MRTFA: variants seen among roughly 807,000 people sequenced by gnomAD.
MRTFA encodes myocardin-related transcription factor A.
A neutral mutation model predicts 83.5 loss-of-function variants in MRTFA; 20 were observed. The ratio of observed to expected loss-of-function variants is 0.24; its 90% CI spans 0.17 to 0.35. The LOEUF (loss-of-function observed/expected upper bound fraction) is 0.35. Among genes scored for constraint, MRTFA ranks in the 10% least tolerant of loss-of-function variants. The pLI is 1.00. For synonymous variants in MRTFA, 659 were observed against 541.2 expected, an observed-to-expected ratio of 1.22 and a Z score of -3.02; for missense variants, 1,200 against 1,224.7, an observed-to-expected ratio of 0.98 and a Z score of 0.30.
chr22:40,421,442 C>G (rs1209818429), intron 9 of MRTFA, among the ~76,000 whole-genome samples: 1 of 152,204 alleles, frequency 6.6e-6, no homozygotes, highest in African/African-American at 2.4e-5. Context: ...GACCAGGCAC[C>G]TTCCAAAGAC....
At chr22:40,504,983 C>G (rs1471101908) in intron 3 of MRTFA, among the ~76,000 whole-genome samples, 2 of 152,162 alleles carry the variant, frequency 1.3e-5, no homozygotes, top group African/African-American at 4.8e-5. Context: ...ATATCTATCC[C>G]CAACCGAATG....
At chr22:40,430,042 C>T (rs2053036306) in intron 6 of MRTFA, among the ~76,000 whole-genome samples, 1 of 152,136 alleles carries the variant, frequency 6.6e-6, no homozygotes, top group Non-Finnish European at 1.5e-5. Flanking sequence ...AGAATGGAAG[C>T]AGCAACAGAT....
intron 4 of MRTFA, among the ~76,000 whole-genome samples, chr22:40,453,392 C>T (rs1384102656): frequency 6.6e-6 from 1 of 152,194 alleles, no homozygotes; most frequent in Non-Finnish European, 1.5e-5. Context: ...TCCGAGGGCA[C>T]TGACCGGACT....
chr22:40,489,495 T>TGC (rs1385398990), intron 3 of MRTFA, among the ~76,000 whole-genome samples: 51 of 151,776 alleles, frequency 3.4e-4, no homozygotes, highest in South Asian at 2.7e-3. Context: ...TTTTTTTTTC[T>TGC]AGAGACAGGG....
At chr22:40,517,468 T>TA (rs1407391455) in intron 3 of MRTFA, among the ~76,000 whole-genome samples, 1 of 152,040 alleles carries the variant, frequency 6.6e-6, no homozygotes, top group Admixed American at 6.6e-5. Flanking sequence ...AGTATAGTGG[T>TA]AAAGAGCACA....
intron 3 of MRTFA, among the ~76,000 whole-genome samples, chr22:40,531,824 C>T (rs1468634193): frequency 6.6e-6 from 1 of 152,186 alleles, no homozygotes; most frequent in Non-Finnish European, 1.5e-5. Context: ...ATGGCTACAG[C>T]ACTTCAGAAC....
intron 3 of MRTFA, among the ~76,000 whole-genome samples, chr22:40,495,849 C>T (rs1002210483): frequency 2.7e-5 from 4 of 149,652 alleles, no homozygotes; most frequent in African/African-American, 9.9e-5. Context: ...GGGCGAATCA[C>T]GAAGTCAGGA....
intron 4 of MRTFA, among the ~76,000 whole-genome samples, chr22:40,459,862 T>TATATATATATATATATACAC (rs796103400): frequency 3.3e-5 from 4 of 121,480 alleles, no homozygotes; most frequent in African/African-American, 1.3e-4. Flanking sequence ...TATATATATA[T>TATATATATATATATATACAC]ACACACATGA....
chr22:40,624,175 G>A (rs1164174074), intron 1 of MRTFA, among the ~76,000 whole-genome samples: 1 of 152,082 alleles, frequency 6.6e-6, no homozygotes, highest in East Asian at 1.9e-4. Context: ...TGTAATCCCA[G>A]CACTTTGGGA....
Position 40,533,499 on chromosome 22 carries a change from A to G in MRTFA, c.241+18607T>C, listed in dbSNP as rs992097533. On this transcript the variant is annotated intron_variant, in intron 3 of 14. Transcript: ENST00000355630. ...CCATTTCTGTCCACTCCTAGTACAA[A>G]TATGACCCATTTTTTTTAAAGAAGC... 18 of 719,066 alleles carry G rather than the reference A, an allele frequency of 2.5e-5. No homozygotes were observed. The African/African-American group carries it at 3.1e-4, about 12-fold the overall frequency. The allele number at this position is 719,066 out of a possible 1,614,324, so 44.5% of individuals were successfully genotyped here. A position where few individuals can be genotyped will look rare whatever the true frequency, so the allele number is the denominator to read the frequency against.
intron 7 of MRTFA, among the ~76,000 whole-genome samples, chr22:40,426,828 G>A (rs2052964146): frequency 6.6e-6 from 1 of 152,178 alleles, no homozygotes; most frequent in South Asian, 2.1e-4. Flanking sequence ...GGTCTAGAAT[G>A]AGTGTTATTG....
chr22:40,418,878 C>T lies in MRTFA; in HGVS notation c.1860G>A (p.Gly620=), dbSNP rs1432106648. ...CCTGCAGCATCTGGTCCTTGTCGCG[C>T]CCCTCTAGCTCCGCCCGCCCCCCAG... Residue 620 remains glycine (G), a synonymous_variant, in exon 12 of 15, where the codon GGG becomes GGA. Transcript: ENST00000355630. 5 of 1,612,426 alleles carry T rather than the reference C, an allele frequency of 3.1e-6. No homozygotes were observed. The highest frequency in any genetic ancestry group is 2.2e-5 in the East Asian group (1 of 44,864).
At chr22:40,490,416 C>T (rs868859797) in intron 3 of MRTFA, among the ~76,000 whole-genome samples, 5 of 151,972 alleles carry the variant, frequency 3.3e-5, no homozygotes, top group Admixed American at 2.6e-4. Flanking sequence ...CTGGCTAATA[C>T]GTGAAACCCT....
At chr22:40,635,964 T>C (rs2056692899) in intron 1 of MRTFA, among the ~76,000 whole-genome samples, 1 of 151,638 alleles carries the variant, frequency 6.6e-6, no homozygotes. Context: ...TCTTAGGAGG[T>C]AAAGTTCTTG....
intron 8 of MRTFA, among the ~76,000 whole-genome samples, chr22:40,423,949 T>C (rs1412465697): frequency 2.0e-5 from 3 of 152,130 alleles, no homozygotes; most frequent in Non-Finnish European, 2.9e-5. Context: ...ACTGGGCCAG[T>C]GACGTTTGCA....
chr22:40,453,397 C>T (rs887301477), intron 4 of MRTFA, among the ~76,000 whole-genome samples: 2 of 152,138 alleles, frequency 1.3e-5, no homozygotes, highest in African/African-American at 4.8e-5. Context: ...GGGCACTGAC[C>T]GGACTGGGGC....
At chr22:40,614,142 C>A (rs2056420761) in intron 1 of MRTFA, among the ~76,000 whole-genome samples, 1 of 151,542 alleles carries the variant, frequency 6.6e-6, no homozygotes, top group African/African-American at 2.4e-5. Flanking sequence ...GCAGAGGTTG[C>A]AGTAAGCCGG....
rs556854456 is a variant in MRTFA, at chr22:40,524,312, C to T, written c.241+27794G>A. On this transcript the variant is annotated intron_variant, in intron 3 of 14. Transcript: ENST00000355630. ...CCCTGGCTCAAAAATAAAAGCTACA[C>T]AAAAAAATAATTAAAACATTGTATA... 3.9e-5 allele frequency among the ~76,000 whole-genome samples: 6 copies of T among 152,138 alleles called. No individual in the cohort carries two copies. The South Asian group carries it at 1.2e-3, about 32-fold the overall frequency.
intron 1 of MRTFA, among the ~76,000 whole-genome samples, chr22:40,632,644 C>T (rs182415856): frequency 7.8e-4 from 119 of 152,218 alleles, no homozygotes; most frequent in Middle Eastern, 3.4e-3. Context: ...CCATGTTGGC[C>T]AGGCTGGTCT....
Sources: allele counts gnomAD v4.1 joint callset (sites outside exome capture counted in the v4.1 genomes callset), GRCh38; gene constraint gnomAD v4.1.1; transcripts MANE v1.5; gene names NCBI Gene and HGNC (gene_info 2026-07-23, HGNC 2026-07-21).